Variants in CCDC144A observed in about 807,000 individuals in gnomAD.
The protein encoded by CCDC144A is coiled-coil domain-containing protein 144A.
In CCDC144A, 41 loss-of-function variants were observed where a neutral mutation model predicts 143.8. The observed-to-expected ratio is 0.29, with a 90% CI of 0.22 to 0.37. The LOEUF (loss-of-function observed/expected upper bound fraction) is 0.37. Ranked by LOEUF, CCDC144A falls within the 10% of genes least tolerant of loss-of-function variation. The pLI, the probability that CCDC144A is intolerant of heterozygous loss-of-function variation, is 1.00. For synonymous variants in CCDC144A, 242 were observed against 517.9 expected (o/e 0.47, Z 7.23); for missense variants, 637 against 1,488.8 (o/e 0.43, Z 9.41).
chr17:16,768,002 T>G (rs1371905552), intron 15 of CCDC144A, among the ~76,000 whole-genome samples: 1 of 152,262 alleles, frequency 6.6e-6, no homozygotes, highest in Non-Finnish European at 1.5e-5. Context: ...CTGGAAATTA[T>G]TACCACACCA....
chr17:16,680,923 T>G, the CCDC144A span, among the ~76,000 whole-genome samples: 1 of 152,082 alleles, frequency 6.6e-6, no homozygotes, highest in South Asian at 2.1e-4. Context: ...AATGAATTTA[T>G]GAGTTGAGAG....
At chr17:16,668,427 T>G in the CCDC144A span, among the ~76,000 whole-genome samples, 1 of 152,220 alleles carries the variant, frequency 6.6e-6, no homozygotes, top group African/African-American at 2.4e-5. Flanking sequence ...TGTTTATAAT[T>G]TATTCATTTA....
chr17:16,699,500 T>G (rs1311228699), intron 2 of CCDC144A, among the ~76,000 whole-genome samples: 2 of 19,120 alleles, frequency 1.0e-4, no homozygotes, highest in African/African-American at 2.3e-4. Context: ...CTCAGCCTCC[T>G]GAGTAGCTGG....
intron 1 of CCDC144A, chr17:16,691,901 T>C (rs1911109992): frequency 6.6e-6 from 1 of 152,090 alleles, no homozygotes; most frequent in Non-Finnish European, 1.5e-5. Context: ...AAGTGGTCCA[T>C]ATTTTGCGCA....
At chr17:16,699,126 A>G (rs1911575539) in intron 2 of CCDC144A, among the ~76,000 whole-genome samples, 2 of 151,810 alleles carry the variant, frequency 1.3e-5, no homozygotes, top group South Asian at 4.2e-4. Context: ...TGGTCTGCCA[A>G]GATTTTAAGT....
intron 11 of CCDC144A, among the ~76,000 whole-genome samples, chr17:16,733,668 G>A (rs1913858716): frequency 6.6e-6 from 1 of 150,860 alleles, no homozygotes; most frequent in African/African-American, 2.4e-5. Flanking sequence ...TACCACTGGT[G>A]TTTTGAAATA....
intron 2 of CCDC144A, among the ~76,000 whole-genome samples, chr17:16,703,950 T>G (rs1911892685): frequency 6.6e-6 from 1 of 152,198 alleles, no homozygotes; most frequent in Non-Finnish European, 1.5e-5. Flanking sequence ...TGAAACAGAA[T>G]GAGAGTGAAA....
At chr17:16,746,295 CTTCTT>C (rs796494615) in intron 12 of CCDC144A, 14 of 726,166 alleles carry the variant, frequency 1.9e-5, no homozygotes, top group African/African-American at 1.5e-4. Flanking sequence ...TTGCATCTTT[CTTCTT>C]TTCTTCTTTT....
At chr17:16,723,542 A>G (rs949622447) in intron 8 of CCDC144A, among the ~76,000 whole-genome samples, 1 of 152,152 alleles carries the variant, frequency 6.6e-6, no homozygotes, top group African/African-American at 2.4e-5. Flanking sequence ...TGGGTAGCTT[A>G]TAAACAACAG....
chr17:16,730,872 T>C (rs1296877255), intron 9 of CCDC144A, among the ~76,000 whole-genome samples: 1 of 144,070 alleles, frequency 6.9e-6, no homozygotes, highest in Non-Finnish European at 1.5e-5. Flanking sequence ...ACTGATTTCA[T>C]TGATTAAATC....
rs925763310 is a variant in CCDC144A, at chr17:16,709,458, A to C, written c.1401A>C (p.Lys467Asn). The C allele has an allele frequency of 2.5e-6, 4 of 1,611,542 alleles. No individual in the cohort carries two copies. Among genetic ancestry groups the C allele is most frequent in the African/African-American group, 2.7e-5 (2 of 74,844 alleles). ...NSDSGSTNNY[K>N]SLKPKLENLS... ...ACAGTGGCAGTACAAACAACTATAA[A>C]AGCCTGAAACCTAAATTAGAAAATC... The change falls in exon 5 of 17, where the codon AAA (lysine) becomes AAC (asparagine). Residue 467 changes from lysine to asparagine, a missense_variant. By Grantham distance (94) the Lys-to-Asn change is moderately conservative (BLOSUM62 0). Transcript: ENST00000399273.
intron 12 of CCDC144A, among the ~76,000 whole-genome samples, chr17:16,748,044 A>T (rs1168226776): frequency 2.6e-5 from 4 of 151,448 alleles, no homozygotes; most frequent in Non-Finnish European, 4.4e-5. Flanking sequence ...TTTTTCTTTA[A>T]TTTTTTTCTT....
intron 6 of CCDC144A, among the ~76,000 whole-genome samples, chr17:16,716,608 AT>A: frequency 6.6e-6 from 1 of 152,328 alleles, no homozygotes; most frequent in South Asian, 2.1e-4. Context: ...CTATAATGAC[AT>A]TTAGGAATTT....
intron 11 of CCDC144A, among the ~76,000 whole-genome samples, chr17:16,733,460 G>A (rs1297039071): frequency 6.7e-6 from 1 of 150,218 alleles, no homozygotes; most frequent in Non-Finnish European, 1.5e-5. Context: ...GCCAAAATTG[G>A]GCCACTGCCC....
intron 12 of CCDC144A, among the ~76,000 whole-genome samples, chr17:16,741,861 A>G (rs1256744667): frequency 6.6e-6 from 1 of 152,146 alleles, no homozygotes; most frequent in Non-Finnish European, 1.5e-5. Context: ...AATATATTCC[A>G]TCACCTCAAA....
chr17:16,677,048 C>G, the CCDC144A span, among the ~76,000 whole-genome samples: 2 of 152,086 alleles, frequency 1.3e-5, no homozygotes, highest in Non-Finnish European at 2.9e-5. Context: ...GTGATTCTGA[C>G]GTCACATGTG....
chr17:16,694,392 G>GT (rs1390843835), intron 2 of CCDC144A, among the ~76,000 whole-genome samples: 3 of 152,160 alleles, frequency 2.0e-5, no homozygotes, highest in Non-Finnish European at 2.9e-5. Flanking sequence ...ACCAGCCTGG[G>GT]TGACATAGTG....
At chr17:16,728,422 G>C in intron 9 of CCDC144A, among the ~76,000 whole-genome samples, 1 of 152,040 alleles carries the variant, frequency 6.6e-6, no homozygotes, top group South Asian at 2.1e-4. Flanking sequence ...ATTATTGGTT[G>C]AAATATAGGA....
chr17:16,683,895 G>C, the CCDC144A span: 3 of 1,346,668 alleles, frequency 2.2e-6, no homozygotes, highest in Non-Finnish European at 3.2e-6. Context: ...GCTGATGGCT[G>C]CTGCTCCAGT....
Sources: allele counts gnomAD v4.1 joint callset (sites outside exome capture counted in the v4.1 genomes callset), GRCh38; gene constraint gnomAD v4.1.1; transcripts MANE v1.5; gene names NCBI Gene and HGNC (gene_info 2026-07-23, HGNC 2026-07-21).